The following TRAT1 variants were observed in gnomAD, a reference collection of about 807,000 sequenced individuals.
TRAT1 encodes the protein T-cell receptor-associated transmembrane adapter 1.
TRAT1 carries 20 observed loss-of-function variants against 20.0 expected under a neutral mutation model. The ratio of observed to expected loss-of-function variants is 1.00; its 90% confidence interval spans 0.70 to 1.45. The LOEUF is 1.45. Ranked by LOEUF, TRAT1 falls within the 40% of genes most tolerant of loss-of-function variation. TRAT1 has a pLI of 0.00. For missense variants in TRAT1, 237 were observed against 224.1 expected (o/e 1.06, Z -0.37); for synonymous variants, 77 against 74.2 (o/e 1.04, Z -0.20).
chr3:108,839,117 G>C, intron 3 of TRAT1, 150 bp downstream of exon 3: 1 of 629,962 alleles, frequency 1.6e-6, no homozygotes, highest in Non-Finnish European at 2.8e-6. Flanking sequence ...CTCATCTAAA[G>C]ATCAGAAGCT....
intron 1 of TRAT1, among the ~76,000 whole-genome samples, chr3:108,828,422 G>C (rs1945762255): frequency 6.6e-6 from 1 of 152,108 alleles, no homozygotes; most frequent in Admixed American, 6.6e-5. Context: ...AGGAGAAAGG[G>C]ATATGATTAG....
intron 1 of TRAT1, among the ~76,000 whole-genome samples, chr3:108,828,744 C>G (rs979839849): frequency 2.0e-5 from 3 of 152,156 alleles, no homozygotes; most frequent in African/African-American, 7.2e-5. Flanking sequence ...GAAAGAACAA[C>G]AGAGAATTTT....
At chr3:108,833,980 C>G (rs951867396) in intron 2 of TRAT1, among the ~76,000 whole-genome samples, 6 of 152,082 alleles carry the variant, frequency 3.9e-5, no homozygotes, top group Admixed American at 3.3e-4. Flanking sequence ...ATGTAATTTT[C>G]ACATCTGTTA....
chr3:108,823,906 T>C (rs1047372468), intron 1 of TRAT1, among the ~76,000 whole-genome samples: 7 of 152,128 alleles, frequency 4.6e-5, no homozygotes, highest in African/African-American at 1.4e-4. Flanking sequence ...AGAGTCTCTC[T>C]TTGTTGCCAG....
intron 1 of TRAT1, 95 bp downstream of exon 1, chr3:108,823,029 T>C (rs1945706493): frequency 9.3e-7 from 1 of 1,079,748 alleles, no homozygotes; most frequent in Non-Finnish European, 1.4e-6. Context: ...ATTTAGAAAG[T>C]AGTTATTTTA....
At chr3:108,829,410 C>G (rs942924252) in intron 1 of TRAT1, among the ~76,000 whole-genome samples, 9 of 151,966 alleles carry the variant, frequency 5.9e-5, no homozygotes, top group Non-Finnish European at 1.3e-4. Context: ...ATGGTGAAAC[C>G]CTGTCTCTAC....
At chr3:108,847,455 G>T in intron 4 of TRAT1, 1 of 223,444 alleles carries the variant, frequency 4.5e-6, no homozygotes, top group Non-Finnish European at 8.6e-6. Flanking sequence ...AGGACAGAAA[G>T]TGGTCCACAG....
chr3:108,824,546 A>C (rs1945719712), intron 1 of TRAT1, among the ~76,000 whole-genome samples: 1 of 152,170 alleles, frequency 6.6e-6, no homozygotes, highest in Non-Finnish European at 1.5e-5. Context: ...TTGCTTAATT[A>C]GTATGCTTTG....
chr3:108,840,241 TTC>T (rs1945882131), intron 3 of TRAT1, among the ~76,000 whole-genome samples: 2 of 152,222 alleles, frequency 1.3e-5, no homozygotes, highest in African/African-American at 4.8e-5. Flanking sequence ...TTAGATACTT[TTC>T]AAGTCATTAG....
chr3:108,831,516 T>C (rs189199677), intron 2 of TRAT1, among the ~76,000 whole-genome samples: 15 of 151,990 alleles, frequency 9.9e-5, no homozygotes, highest in Admixed American at 6.6e-4. Flanking sequence ...AGAATGAAAG[T>C]TCAAATATTG....
intron 2 of TRAT1, among the ~76,000 whole-genome samples, chr3:108,836,576 G>C (rs922361815): frequency 6.6e-6 from 1 of 152,024 alleles, no homozygotes; most frequent in Non-Finnish European, 1.5e-5. Context: ...CAACTAACTC[G>C]TTCATTGAAA....
rs1945705119 is a variant in TRAT1 at position 108,822,888 on chromosome 3, G to C, written c.-40G>C. ...AGGAGGATTTTTAATCCATATATTT[G>C]TCTTATGGCTAGATAAAGATTTCTC... On this transcript the variant is annotated 5_prime_UTR_variant, in exon 1 of 6. Coordinates refer to ENST00000295756, the MANE Select transcript of TRAT1 (RefSeq NM_016388.4). 2.5e-6 allele frequency: 4 copies of C among 1,592,230 alleles called. No individual in the cohort carries two copies. Among genetic ancestry groups the C allele is most frequent in the Non-Finnish European group, 3.4e-6 (4 of 1,161,962 alleles).
chr3:108,853,922 G>C lies in TRAT1; in HGVS notation c.*45G>C. ...AATGATTTGGCTCCTATTGAAGATG[G>C]CTTCTAAGAAAACAAGATGCACAGA... On this transcript the variant is annotated 3_prime_UTR_variant, in exon 6 of 6. Coordinates refer to ENST00000295756, the MANE Select transcript of TRAT1 (RefSeq NM_016388.4). The C allele has an allele frequency of 1.3e-6, 2 of 1,591,630 alleles. No homozygotes were observed. Among genetic ancestry groups the C allele is most frequent in the Non-Finnish European group, 1.7e-6 (2 of 1,165,088 alleles).
intron 3 of TRAT1, among the ~76,000 whole-genome samples, chr3:108,845,561 C>G (rs1004866716): frequency 7.9e-5 from 12 of 152,118 alleles, no homozygotes; most frequent in African/African-American, 1.9e-4. Context: ...AAGTGTTTGC[C>G]CATATCTGGG....
intron 1 of TRAT1, among the ~76,000 whole-genome samples, chr3:108,830,419 A>C (rs1390558401): frequency 6.6e-6 from 1 of 152,174 alleles, no homozygotes; most frequent in Non-Finnish European, 1.5e-5. Context: ...TAGCTACACA[A>C]AAAAGTCGTT....
chr3:108,827,095 C>T (rs1397281737), intron 1 of TRAT1, among the ~76,000 whole-genome samples: 2 of 152,148 alleles, frequency 1.3e-5, no homozygotes, highest in Admixed American at 1.3e-4. Context: ...GCTGCCATTC[C>T]TCTCTGATAA....
At chr3:108,852,787 T>G (rs1196957527) in intron 5 of TRAT1, among the ~76,000 whole-genome samples, 1 of 152,198 alleles carries the variant, frequency 6.6e-6, no homozygotes, top group Non-Finnish European at 1.5e-5. Flanking sequence ...GGCAAGAAAA[T>G]TGAGGTTCAG....
At chr3:108,836,904 T>G (rs1945846766) in intron 2 of TRAT1, among the ~76,000 whole-genome samples, 1 of 152,212 alleles carries the variant, frequency 6.6e-6, no homozygotes, top group Admixed American at 6.5e-5. Flanking sequence ...GACTAAATTC[T>G]TATGCATCTA....
Position 108,837,027 on chromosome 3 carries a change from A to G in TRAT1, c.119-1907A>G, listed in dbSNP as rs192209258. Reference sequence around the variant, plus strand: ...GTCATGTCTTATTTATCAGTTTACAATTTCCTGGTCTATATTAACTATGTT... The same window carrying G: ...GTCATGTCTTATTTATCAGTTTACAGTTTCCTGGTCTATATTAACTATGTT... On this transcript the variant is annotated intron_variant, in intron 2 of 5. Transcript: ENST00000295756. Among the ~76,000 whole-genome samples, 3 of 152,292 alleles carry G rather than the reference A, an allele frequency of 2.0e-5. No homozygotes were observed. In the East Asian group the frequency reaches 5.8e-4, roughly 29 times the overall value.
Sources: gnomAD v4.1 joint callset for allele counts (sites outside exome capture counted in the v4.1 genomes callset) on GRCh38, gnomAD v4.1.1 for gene constraint, MANE v1.5 for transcripts, NCBI Gene and HGNC (gene_info 2026-07-23, HGNC 2026-07-21) for gene names.